CDIPT: variants seen among roughly 807,000 people sequenced by gnomAD.
The protein encoded by CDIPT is PI synthase.
Under a neutral mutation model 21.6 loss-of-function variants are expected in CDIPT, and 17 were observed. The ratio of observed to expected loss-of-function variants is 0.79; its 90% CI spans 0.54 to 1.18. The LOEUF (loss-of-function observed/expected upper bound fraction) is 1.18, where lower values mean the gene tolerates loss of function less well. Among genes scored for constraint, CDIPT ranks in the 50% most tolerant of loss-of-function variants. The pLI is 0.00. For synonymous variants in CDIPT, 119 were observed against 117.9 expected (o/e 1.01, Z -0.06); for missense variants, 254 against 284.9 (o/e 0.89, Z 0.78).
Position 29,862,209 on chromosome 16 carries a change from G to A in CDIPT, c.178+377C>T, listed in dbSNP as rs1431308879. Reference sequence around the variant, plus strand: ...GGAGCAAGGCAGGAGGATCGCTTGAGGCTAGGAGCTGGGGACCAATCTGGG... The same window carrying A: ...GGAGCAAGGCAGGAGGATCGCTTGAAGCTAGGAGCTGGGGACCAATCTGGG... On this transcript the variant is annotated intron_variant, in intron 2 of 5. Coordinates refer to ENST00000219789, the MANE Select transcript of CDIPT (RefSeq NM_006319.5). The surrounding 1 kb of genome is among the most constrained non-coding windows in gnomAD (Gnocchi z 6.7). Among the ~76,000 whole-genome samples the A allele has an allele frequency of 1.3e-5, 2 of 152,202 alleles. No individual in the cohort carries two copies. Among genetic ancestry groups the A allele is most frequent in the Non-Finnish European group, 2.9e-5 (2 of 68,044 alleles).
Position 29,860,616 on chromosome 16 carries a change from C to A in CDIPT, c.379G>T (p.Gly127Trp). ...SESHKMIDLS[G>W]NPVLRIYYTS... Reference sequence around the variant, plus strand: ...TAGTAGATCCGAAGCACCGGATTCCCGGACAAGTCGATCATCTTGTGACTC... The same window carrying A: ...TAGTAGATCCGAAGCACCGGATTCCAGGACAAGTCGATCATCTTGTGACTC... Residue 127 changes from glycine to tryptophan, a missense_variant, in exon 4 of 6, where the codon GGG (glycine) becomes TGG (tryptophan). Coordinates refer to ENST00000219789, the MANE Select transcript of CDIPT (RefSeq NM_006319.5). 1 of 1,613,030 alleles carries A rather than the reference C, an allele frequency of 6.2e-7. No individual in the cohort carries two copies. The highest frequency in any genetic ancestry group is 1.1e-5 in the South Asian group (1 of 90,952).
At position 29,860,676 on chromosome 16, in the gene CDIPT, CAG is replaced by C. The variant is rs1470507100; in HGVS notation, c.333-16_333-15del. ...CGGACCACAGAACTTGGGGAGAAAA[CAG>C]GGGAACCCACAAGGTTTCATGACCA... On this transcript the variant is annotated splice_polypyrimidine_tract_variant and intron_variant, in intron 3 of 5. Transcript: ENST00000219789. The C allele has an allele frequency of 1.7e-5, 26 of 1,534,846 alleles. No individual in the cohort carries two copies. The highest frequency in any genetic ancestry group is 2.3e-5 in the Non-Finnish European group (25 of 1,109,838).
At chr16:29,860,697 A>T in intron 3 of CDIPT, 35 bp from the exon 4 acceptor site, 1 of 1,241,422 alleles carries the variant, frequency 8.1e-7, no homozygotes, top group Non-Finnish European at 1.2e-6. Flanking sequence ...ACAAGGTTTC[A>T]TGACCACTAC....
At position 29,859,219 on chromosome 16, in the gene CDIPT, C is replaced by T. The variant is rs746271750; in HGVS notation, c.612G>A (p.Leu204=). 4.4e-6 allele frequency: 7 copies of T among 1,597,440 alleles called. No individual in the cohort carries two copies. The Admixed American group carries it at 1.2e-4, about 28-fold the overall frequency. ...TCTTCTTGGCGCGGTCTGCTGCGTC[C>T]AGGGCAGCCATGTTGCGGGCGGCCG... is the stretch of plus-strand genomic sequence containing the variant. ...LITAARNMAA[L]DAADRAKKK is the part of the protein sequence containing the mutation. The change falls in exon 6 of 6, where the codon CTG becomes CTA. Residue 204 remains leucine, a synonymous_variant. Transcript: ENST00000219789. The surrounding 1 kb of genome is among the most constrained non-coding windows in gnomAD (Gnocchi z 4.5).
rs753513115 is a variant in CDIPT, at chr16:29,859,325, A to T, written c.506T>A (p.Val169Glu). ...HFSEGPLVGS[V>E]GLFRMGLWVT... ...CCAGAGGCCCATCCGGAACAGTCCC[A>T]CAGAGCCAACTGCAGGAAGGCAGCA... The change falls in exon 6 of 6, where the codon GTG (valine) becomes GAG (glutamate). Residue 169 changes from valine to glutamate, a missense_variant. Coordinates refer to ENST00000219789, the MANE Select transcript of CDIPT (RefSeq NM_006319.5). This position sits in a 1 kb window ranked among gnomAD's most constrained non-coding sequence, Gnocchi z 4.5. The T allele has an allele frequency of 1.3e-6, 2 of 1,565,928 alleles. No individual in the cohort carries two copies. Among genetic ancestry groups the T allele is most frequent in the South Asian group, 2.4e-5 (2 of 84,934 alleles).
chr16:29,861,358 TG>T, intron 2 of CDIPT, 99 bp from the exon 3 acceptor site: 3 of 1,564,508 alleles, frequency 1.9e-6, no homozygotes, highest in Non-Finnish European at 2.6e-6. Flanking sequence ...AAACGAAGAC[TG>T]GAAGTGTCCG....
Position 29,859,011 on chromosome 16 carries a change from G to A in CDIPT, c.*178C>T, listed in dbSNP as rs371056162. The A allele has an allele frequency of 3.8e-5, 26 of 675,978 alleles. No individual in the cohort carries two copies. The highest frequency in any genetic ancestry group is 5.7e-5 in the East Asian group (2 of 34,966). The allele number at this position is 675,978 out of a possible 1,614,324, so 41.9% of individuals were successfully genotyped here. A position where few individuals can be genotyped will look rare whatever the true frequency, so the allele number is the denominator to read the frequency against. On this transcript the variant is annotated 3_prime_UTR_variant, in exon 6 of 6. Coordinates refer to ENST00000219789, the MANE Select transcript of CDIPT (RefSeq NM_006319.5). The surrounding 1 kb of genome is among the most constrained non-coding windows in gnomAD (Gnocchi z 4.5). ...GCGTATCCTCCCTGATTTGAGGCCC[G>A]GGTCCTCAGGATCCCAGAGAACGTG...
rs1321159155 is a variant in CDIPT, at chr16:29,858,534, T to C, written c.*655A>G. 6.6e-6 allele frequency: 1 copy of C among 152,654 alleles called. No homozygotes were observed. Among genetic ancestry groups the C allele is most frequent in the African/African-American group, 2.4e-5 (1 of 41,392 alleles). 9.5% of individuals were successfully genotyped at this position (152,654 alleles called of 1,614,324 possible). ...TAGACAGTCAGTGACATCAAACAAG[T>C]GGGCGGTGGGGACACCACATGAGCA... is the stretch of plus-strand genomic sequence containing the variant. On this transcript the variant is annotated 3_prime_UTR_variant, in exon 6 of 6. Transcript: ENST00000219789.
chr16:29,860,139 CAG>C (rs377030998), intron 4 of CDIPT, among the ~76,000 whole-genome samples: 432 of 152,238 alleles, frequency 2.8e-3, no homozygotes, highest in African/African-American at 1.0e-2. Flanking sequence ...TGTGTGGAAA[CAG>C]AGTCTCACTT....
intron 4 of CDIPT, among the ~76,000 whole-genome samples, chr16:29,860,319 C>A (rs1366983969): frequency 6.6e-6 from 1 of 152,236 alleles, no homozygotes; most frequent in East Asian, 1.9e-4. Flanking sequence ...TCCAGCCCTG[C>A]AGACCTCTCT....
rs1022699929 is a variant in CDIPT, at chr16:29,859,119, G to C, written c.*70C>G. ...GCGTGAGACTGGGACCTCCTAGCAG[G>C]GGGTGGGGAGCTGTGTGGCACAGCA... On this transcript the variant is annotated 3_prime_UTR_variant, in exon 6 of 6. Coordinates refer to ENST00000219789, the MANE Select transcript of CDIPT (RefSeq NM_006319.5). The surrounding 1 kb of genome is among the most constrained non-coding windows in gnomAD (Gnocchi z 4.5). 1.5e-5 allele frequency: 22 copies of C among 1,506,584 alleles called. No individual in the cohort carries two copies. The highest frequency in any genetic ancestry group is 1.9e-5 in the Non-Finnish European group (21 of 1,116,222). The allele number at this position is 1,506,584 out of a possible 1,614,324, so 93.3% of individuals were successfully genotyped here.
At chr16:29,860,558 T>G in intron 4 of CDIPT, 23 bp downstream of exon 4, 1 of 1,494,186 alleles carries the variant, frequency 6.7e-7, no homozygotes, top group Non-Finnish European at 9.3e-7. Flanking sequence ...GCCTGAGGGG[T>G]GGGGTGTGCA....
Position 29,859,124 on chromosome 16 carries a change from G to A in CDIPT, c.*65C>T. The A allele has an allele frequency of 2.0e-6, 3 of 1,519,814 alleles. No individual in the cohort carries two copies. Among genetic ancestry groups the A allele is most frequent in the Non-Finnish European group, 2.7e-6 (3 of 1,125,910 alleles). 94.1% of individuals were successfully genotyped at this position (1,519,814 alleles called of 1,614,324 possible). A position where few individuals can be genotyped will look rare whatever the true frequency, so the allele number is the denominator to read the frequency against. On this transcript the variant is annotated 3_prime_UTR_variant, in exon 6 of 6. Transcript: ENST00000219789. The surrounding 1 kb of genome is among the most constrained non-coding windows in gnomAD (Gnocchi z 4.5). ...AGACTGGGACCTCCTAGCAGGGGGT[G>A]GGGAGCTGTGTGGCACAGCAAGACT...
At position 29,858,896 on chromosome 16, in the gene CDIPT, G is replaced by A. The variant is rs1031422807; in HGVS notation, c.*293C>T. On this transcript the variant is annotated 3_prime_UTR_variant, in exon 6 of 6. Coordinates refer to ENST00000219789, the MANE Select transcript of CDIPT (RefSeq NM_006319.5). ...CACCTCCCTCACTCAAGCGTCCCTA[G>A]CATCTCGGACCCCAGGACTGAGCAG... 1.1e-5 allele frequency: 4 copies of A among 380,616 alleles called. No homozygotes were observed. Among genetic ancestry groups the A allele is most frequent in the Non-Finnish European group, 1.9e-5 (4 of 208,926 alleles). The allele number at this position is 380,616 out of a possible 1,614,324, so 23.6% of individuals were successfully genotyped here. A position where few individuals can be genotyped will look rare whatever the true frequency, so the allele number is the denominator to read the frequency against.
rs186789071 is a variant in CDIPT, at chr16:29,859,533, C to G, written c.415-10G>C. ...AGGTGAACAGAGCAGGCTGCACACA[C>G]AGCAAACAGGCCACGTTAGCAAGAG... On this transcript the variant is annotated splice_polypyrimidine_tract_variant and intron_variant, in intron 4 of 5. Coordinates refer to ENST00000219789, the MANE Select transcript of CDIPT (RefSeq NM_006319.5). The surrounding 1 kb of genome is among the most constrained non-coding windows in gnomAD (Gnocchi z 4.5). 1 of 1,607,320 alleles carries G rather than the reference C, an allele frequency of 6.2e-7. No homozygotes were observed. The highest frequency in any genetic ancestry group is 1.3e-5 in the African/African-American group (1 of 74,814).
intron 4 of CDIPT, among the ~76,000 whole-genome samples, chr16:29,860,037 G>A (rs956245144): frequency 3.9e-5 from 6 of 151,968 alleles, no homozygotes; most frequent in Admixed American, 2.6e-4. Flanking sequence ...ATAAACCCTT[G>A]GTCTCACGCA....
At chr16:29,861,722 C>CTGGTTTT in intron 2 of CDIPT, 1 of 567,398 alleles carries the variant, frequency 1.8e-6, no homozygotes, top group Non-Finnish European at 3.1e-6. Flanking sequence ...GTTGAATACA[C>CTGGTTTT]TGTTTTTTGT....
At position 29,858,602 on chromosome 16, in the gene CDIPT, C is replaced by G. The variant is rs748515993; in HGVS notation, c.*587G>C. On this transcript the variant is annotated 3_prime_UTR_variant, in exon 6 of 6. Coordinates refer to ENST00000219789, the MANE Select transcript of CDIPT (RefSeq NM_006319.5). ...TCTCTGTGAGGTCACTGTGGGTAGA[C>G]GGAGAAGCCAGCCAGCAAACTGGAG... The G allele has an allele frequency of 6.5e-6, 1 of 155,016 alleles. No homozygotes were observed. Among genetic ancestry groups the G allele is most frequent in the Admixed American group, 6.2e-5 (1 of 16,048 alleles). The allele number at this position is 155,016 out of a possible 1,614,324, so 9.6% of individuals were successfully genotyped here.
Position 29,858,947 on chromosome 16 carries a change from G to C in CDIPT, c.*242C>G, listed in dbSNP as rs886375237. On this transcript the variant is annotated 3_prime_UTR_variant, in exon 6 of 6. Coordinates refer to ENST00000219789, the MANE Select transcript of CDIPT (RefSeq NM_006319.5). ...GCAGGGTGTGACACTGCCCGGTCCC[G>C]GCACCCCAGGAGCACCGCCTGGATG... The C allele has an allele frequency of 1.1e-5, 6 of 557,676 alleles. No individual in the cohort carries two copies. The highest frequency in any genetic ancestry group is 1.6e-5 in the Non-Finnish European group (5 of 313,090). The allele number at this position is 557,676 out of a possible 1,614,324, so 34.5% of individuals were successfully genotyped here. A position where few individuals can be genotyped will look rare whatever the true frequency, so the allele number is the denominator to read the frequency against.
Sources: gnomAD v4.1 joint callset for allele counts (sites outside exome capture counted in the v4.1 genomes callset) on GRCh38, gnomAD v4.1.1 for gene constraint, Gnocchi (gnomAD v3.1) non-coding constraint, MANE v1.5 for transcripts, NCBI Gene and HGNC (gene_info 2026-07-23, HGNC 2026-07-21) for gene names.